PEX7: variants seen among roughly 807,000 people sequenced by gnomAD.
PEX7 encodes the protein peroxisomal biogenesis factor 7.
PEX7 carries 34 observed loss-of-function variants against 47.5 expected under a neutral mutation model. That is an observed-to-expected ratio of 0.72 (90% confidence interval 0.54 to 0.95). The LOEUF (loss-of-function observed/expected upper bound fraction) is 0.95. Among genes scored for constraint, PEX7 ranks in the 40% least tolerant of loss-of-function variants. The pLI is 0.00. For synonymous variants in PEX7, 141 were observed against 148.8 expected (o/e 0.95, Z 0.38); for missense variants, 394 against 400.3 (o/e 0.98, Z 0.13).
chr6:136,899,639 C>T (rs1775718083), intron 9 of PEX7, among the ~76,000 whole-genome samples: 1 of 151,972 alleles, frequency 6.6e-6, no homozygotes, highest in Admixed American at 6.5e-5. Flanking sequence ...CTCGGCCTCC[C>T]AAAGTGCTGG....
intron 9 of PEX7, among the ~76,000 whole-genome samples, chr6:136,904,420 C>G (rs559848619): frequency 2.0e-5 from 3 of 152,138 alleles, no homozygotes; most frequent in Non-Finnish European, 4.4e-5. Flanking sequence ...CTGCTGCCCT[C>G]TGCACTACAT....
At chr6:136,875,291 G>T (rs1775251703) in intron 8 of PEX7, among the ~76,000 whole-genome samples, 1 of 149,304 alleles carries the variant, frequency 6.7e-6, no homozygotes, top group African/African-American at 2.5e-5. Flanking sequence ...AGTATTTAAG[G>T]CTATAAATTT....
intron 9 of PEX7, among the ~76,000 whole-genome samples, chr6:136,912,340 G>T (rs6908167): frequency 1.3e-5 from 2 of 150,482 alleles, no homozygotes; most frequent in African/African-American, 2.4e-5. Flanking sequence ...TTTTTTTTCT[G>T]AAAGTGTTAT....
At chr6:136,884,294 C>T (rs1300525575) in intron 8 of PEX7, among the ~76,000 whole-genome samples, 1 of 152,048 alleles carries the variant, frequency 6.6e-6, no homozygotes, top group South Asian at 2.1e-4. Context: ...TTAAATTTAT[C>T]CTCTGAAGAA....
chr6:136,825,365 A>G (rs1774168923), intron 2 of PEX7, 94 bp downstream of exon 2: 10 of 1,055,170 alleles, frequency 9.5e-6, no homozygotes, highest in Non-Finnish European at 1.5e-5. Flanking sequence ...TTTAATATAC[A>G]GTATAAAAGG....
intron 5 of PEX7, among the ~76,000 whole-genome samples, chr6:136,852,962 G>A (rs1337707485): frequency 7.8e-6 from 1 of 128,226 alleles, no homozygotes; most frequent in Non-Finnish European, 1.6e-5. Flanking sequence ...CCAAAACAGA[G>A]ATATAGATCA....
chr6:136,852,289 A>T (rs1582749022), intron 5 of PEX7, among the ~76,000 whole-genome samples: 1 of 151,002 alleles, frequency 6.6e-6, no homozygotes, highest in East Asian at 2.0e-4. Flanking sequence ...TATTCAACAT[A>T]GTGTTGGAAG....
chr6:136,836,142 T>C lies in PEX7; in HGVS notation c.340-9473T>C, dbSNP rs112866143. Among the ~76,000 whole-genome samples the C allele has an allele frequency of 4.5e-3, 691 of 152,300 alleles. 8 individuals are homozygous for C. Among genetic ancestry groups the C allele is most frequent in the African/African-American group, 0.016 (662 of 41,558 alleles). On this transcript the variant is annotated intron_variant, in intron 3 of 9. Coordinates refer to ENST00000318471, the MANE Select transcript of PEX7 (RefSeq NM_000288.4). Reference sequence around the variant, plus strand: ...TTATGCAATCTTATTTGAGAACTTATATGAAACTGGAAATTAGTTTTGCTG... The same window carrying C: ...TTATGCAATCTTATTTGAGAACTTACATGAAACTGGAAATTAGTTTTGCTG...
At chr6:136,828,011 T>C (rs568542445) in intron 3 of PEX7, among the ~76,000 whole-genome samples, 12 of 152,160 alleles carry the variant, frequency 7.9e-5, no homozygotes, top group Admixed American at 7.9e-4. Context: ...GTTTTTTTTT[T>C]CCTTTTTCTT....
chr6:136,845,921 A>T (rs960558277), intron 4 of PEX7, 152 bp from the exon 5 acceptor site: 2 of 671,644 alleles, frequency 3.0e-6, no homozygotes, highest in South Asian at 3.6e-5. Flanking sequence ...GTCTTGCTTT[A>T]TATCAAAACA....
Position 136,913,765 on chromosome 6 carries a change from GTAGTATC to G in PEX7, c.*242_*248del, listed in dbSNP as rs1775972800. 6.3e-6 allele frequency: 3 copies of G among 479,430 alleles called. No individual in the cohort carries two copies. The highest frequency in any genetic ancestry group is 5.5e-4 in the Middle Eastern group (1 of 1,814). 29.7% of individuals were successfully genotyped at this position (479,430 alleles called of 1,614,324 possible). ...AATAATTAATGTTATGATATATCTT[GTAGTATC>G]TATTAAAATGTCTCTGGGTCATAAA... On this transcript the variant is annotated 3_prime_UTR_variant, in exon 10 of 10. Transcript: ENST00000318471.
chr6:136,872,502 T>C (rs111685536), intron 8 of PEX7, among the ~76,000 whole-genome samples: 12 of 152,182 alleles, frequency 7.9e-5, no homozygotes, highest in African/African-American at 2.4e-4. Flanking sequence ...TTCTAATAGA[T>C]GTTCCTATGG....
intron 2 of PEX7, among the ~76,000 whole-genome samples, 166 bp from the exon 3 acceptor site, chr6:136,826,153 A>G (rs1262516409): frequency 6.6e-6 from 1 of 152,172 alleles, no homozygotes; most frequent in Non-Finnish European, 1.5e-5. Context: ...ATATTTGTCA[A>G]GTACCTACTC....
chr6:136,830,557 G>A (rs1774275538), intron 3 of PEX7, among the ~76,000 whole-genome samples: 1 of 152,100 alleles, frequency 6.6e-6, no homozygotes, highest in African/African-American at 2.4e-5. Context: ...GTCTGCAGAG[G>A]TCATTATGTC....
chr6:136,850,829 A>G (rs951431188), intron 5 of PEX7, among the ~76,000 whole-genome samples: 1 of 151,750 alleles, frequency 6.6e-6, no homozygotes, highest in Non-Finnish European at 1.5e-5. Context: ...CATTGCAGTA[A>G]ATCAGAGCAC....
chr6:136,907,214 A>G lies in PEX7; in HGVS notation c.904-6244A>G, dbSNP rs921475140. 3.3e-5 allele frequency among the ~76,000 whole-genome samples: 5 copies of G among 152,172 alleles called. No individual in the cohort carries two copies. In the South Asian group the frequency reaches 1.0e-3, roughly 31 times the overall value. ...AAATATCTTGAGTGCTCGGAAATACACAGTGGATTAATGTCAACCACCTGA... is the reference window on the plus strand; with the variant it reads ...AAATATCTTGAGTGCTCGGAAATACGCAGTGGATTAATGTCAACCACCTGA... On this transcript the variant is annotated intron_variant, in intron 9 of 9. Transcript: ENST00000318471.
intron 3 of PEX7, among the ~76,000 whole-genome samples, chr6:136,827,707 A>G (rs1774221154): frequency 6.6e-6 from 1 of 151,372 alleles, no homozygotes; most frequent in South Asian, 2.1e-4. Flanking sequence ...TAATTTTTGT[A>G]TTTTTAGTAG....
chr6:136,913,125 GT>G (rs1318441382), intron 9 of PEX7, among the ~76,000 whole-genome samples: 2 of 152,204 alleles, frequency 1.3e-5, no homozygotes, highest in Non-Finnish European at 2.9e-5. Flanking sequence ...AGTCTGGAAC[GT>G]ATCTTTTCGA....
intron 8 of PEX7, among the ~76,000 whole-genome samples, chr6:136,881,773 C>T (rs1388748993): frequency 6.6e-6 from 1 of 152,166 alleles, no homozygotes; most frequent in East Asian, 1.9e-4. Context: ...TAGTTTTTGG[C>T]TTTCAGTCTT....
Sources: gnomAD v4.1 joint callset for allele counts (sites outside exome capture counted in the v4.1 genomes callset) on GRCh38, gnomAD v4.1.1 for gene constraint, MANE v1.5 for transcripts, NCBI Gene and HGNC (gene_info 2026-07-23, HGNC 2026-07-21) for gene names.